The following PIP5K1C variants were observed in gnomAD, a reference collection of about 807,000 sequenced individuals.
The protein encoded by PIP5K1C is phosphatidylinositol-4-phosphate 5-kinase type 1 gamma, also known as phosphatidylinositol 4-phosphate 5-kinase type-1 gamma.
Under a neutral mutation model 80.1 loss-of-function variants are expected in PIP5K1C, and 45 were observed. The ratio of observed to expected loss-of-function variants is 0.56; its 90% CI spans 0.44 to 0.72. The LOEUF (loss-of-function observed/expected upper bound fraction) is 0.72. Among genes scored for constraint, PIP5K1C ranks in the 30% least tolerant of loss-of-function variants. The pLI, the probability that PIP5K1C is intolerant of heterozygous loss-of-function variation, is 0.00. For missense variants in PIP5K1C, 753 were observed against 954.6 expected (o/e 0.79, Z 2.78); for synonymous variants, 498 against 420.1 (o/e 1.19, Z -2.27).
rs2034150815 is a variant in PIP5K1C at position 3,644,988 on chromosome 19, A to T, written c.1346-737T>A. On this transcript the variant is annotated intron_variant, in intron 11 of 17. Transcript: ENST00000335312. ...AATGATCCTGTGGCATCGGTCCCAG[A>T]GAGTGGGGTGTGGGGACAGGCTCAA... Among the ~76,000 whole-genome samples, 2 of 152,244 alleles carry T rather than the reference A, an allele frequency of 1.3e-5. 1 individual carries two copies. Among genetic ancestry groups the T allele is most frequent in the African/African-American group, 4.8e-5 (2 of 41,462 alleles).
intron 1 of PIP5K1C, among the ~76,000 whole-genome samples, chr19:3,683,104 G>C (rs559675569): frequency 6.6e-6 from 1 of 152,148 alleles, no homozygotes; most frequent in Admixed American, 6.5e-5. Flanking sequence ...CACCTCCTCA[G>C]AGAGTCCCCT....
intron 7 of PIP5K1C, among the ~76,000 whole-genome samples, chr19:3,652,820 G>A (rs1013935566): frequency 6.6e-6 from 1 of 152,130 alleles, no homozygotes; most frequent in African/African-American, 2.4e-5. Flanking sequence ...CTGGCTGGGA[G>A]CTCTGGGCTT....
At chr19:3,687,530 CGCACACACAT>C (rs2035797782) in intron 1 of PIP5K1C, among the ~76,000 whole-genome samples, 1 of 129,640 alleles carries the variant, frequency 7.7e-6, no homozygotes, top group Non-Finnish European at 1.7e-5. Context: ...CACATGCACA[CGCACACACAT>C]ACATGCACAC....
chr19:3,690,234 C>T lies in PIP5K1C; in HGVS notation c.94+10063G>A, dbSNP rs188727388. 9.5e-4 allele frequency among the ~76,000 whole-genome samples: 144 copies of T among 152,130 alleles called. 3 individuals carry two copies. The highest frequency in any genetic ancestry group is 3.7e-4 in the Non-Finnish European group (25 of 68,010). On this transcript the variant is annotated intron_variant, in intron 1 of 17. Coordinates refer to ENST00000335312, the MANE Select transcript of PIP5K1C (RefSeq NM_012398.3). ...GAAATAGGCTGGGCGCACTGGCTCA[C>T]ACCTGTAACCCCAGCACATCGAGAA...
chr19:3,653,205 T>C, intron 7 of PIP5K1C, 85 bp downstream of exon 7: 1 of 1,342,336 alleles, frequency 7.4e-7, no homozygotes, highest in Non-Finnish European at 1.0e-6. Context: ...CCTGGCACCC[T>C]CCCTGGCCCT....
Position 3,667,184 on chromosome 19 carries a change from C to G in PIP5K1C, c.126+138G>C, listed in dbSNP as rs144262135. ...AGTTGGTGTAGACCTCACGTTCATC[C>G]TGCTTGTGGACACTGGACGGCATTT... is the stretch of plus-strand genomic sequence containing the variant. On this transcript the variant is annotated intron_variant, in intron 2 of 17. Transcript: ENST00000335312. 6.6e-4 allele frequency: 489 copies of G among 740,202 alleles called. 5 individuals carry two copies. In the African/African-American group the frequency reaches 7.5e-3, roughly 11 times the overall value. 45.9% of individuals were successfully genotyped at this position (740,202 alleles called of 1,614,324 possible).
At chr19:3,663,251 C>T (rs1044554627) in intron 3 of PIP5K1C, among the ~76,000 whole-genome samples, 3 of 152,358 alleles carry the variant, frequency 2.0e-5, no homozygotes, top group African/African-American at 7.2e-5. Context: ...CCTGGGAAGC[C>T]GGCTCATACC....
rs764108844 is a variant in PIP5K1C, at chr19:3,642,938, G to A, written c.1651C>T (p.Arg551Trp). ...SETSEQPRYR[R>W]RTQSSGQDGR... ...TCCTGTCCAGACGACTGTGTGCGCC[G>A]CCTGCAGAGATACAGCAAACACGTG... Residue 551 changes from arginine to tryptophan, a missense_variant and splice_region_variant, in exon 14 of 18, where the codon CGG becomes TGG. Physicochemically the swap from Arg to Trp is moderately radical, Grantham distance 101 (BLOSUM62 -3). Transcript: ENST00000335312. The A allele has an allele frequency of 2.5e-6, 4 of 1,613,342 alleles. No individual in the cohort carries two copies. Among genetic ancestry groups the A allele is most frequent in the East Asian group, 2.2e-5 (1 of 44,882 alleles).
chr19:3,636,767 G>A (rs953714694), intron 16 of PIP5K1C: 33 of 986,402 alleles, frequency 3.3e-5, no homozygotes, highest in Admixed American at 1.2e-4. Flanking sequence ...CGGCGGCCTC[G>A]GCGGAGGCTT....
intron 5 of PIP5K1C, among the ~76,000 whole-genome samples, chr19:3,659,348 C>T (rs1218438634): frequency 6.6e-6 from 1 of 152,252 alleles, no homozygotes; most frequent in Non-Finnish European, 1.5e-5. Flanking sequence ...GTCACCAACA[C>T]CGGGCTGGCT....
intron 1 of PIP5K1C, among the ~76,000 whole-genome samples, chr19:3,695,691 G>C (rs2036080877): frequency 2.0e-5 from 3 of 151,270 alleles, no homozygotes; most frequent in African/African-American, 7.3e-5. Context: ...CCTGGGCCCT[G>C]CTGACTTGCA....
At chr19:3,686,517 G>C (rs2035765075) in intron 1 of PIP5K1C, among the ~76,000 whole-genome samples, 1 of 151,170 alleles carries the variant, frequency 6.6e-6, no homozygotes, top group African/African-American at 2.4e-5. Context: ...TCGGGAGTTT[G>C]AGACCAGTCT....
rs540459328 is a variant in PIP5K1C at position 3,630,240 on chromosome 19, G to C, written c.*2927C>G. The C allele has an allele frequency of 6.6e-6, 1 of 152,298 alleles. No individual in the cohort carries two copies. Among genetic ancestry groups the C allele is most frequent in the African/African-American group, 2.4e-5 (1 of 41,416 alleles). 9.4% of individuals were successfully genotyped at this position (152,298 alleles called of 1,614,324 possible). On this transcript the variant is annotated 3_prime_UTR_variant, in exon 18 of 18. Coordinates refer to ENST00000335312, the MANE Select transcript of PIP5K1C (RefSeq NM_012398.3). Reference sequence around the variant, plus strand: ...AAAAAGACGGGGTGTGGCGGGGGTAGGTGGGCGAGGAACCTGGGATGCAAA... The same window carrying C: ...AAAAAGACGGGGTGTGGCGGGGGTACGTGGGCGAGGAACCTGGGATGCAAA...
In PIP5K1C at chr19:3,632,973, C is replaced by T. The variant is rs28490078; in HGVS notation, c.*194G>A. ...GGTCTCACAGGGGCAGGCTGCCGAC[C>T]GGGGTGCCGGGGCCCTGGGAGGCTT... On this transcript the variant is annotated 3_prime_UTR_variant, in exon 18 of 18. Coordinates refer to ENST00000335312, the MANE Select transcript of PIP5K1C (RefSeq NM_012398.3). 33 of 524,216 alleles carry T rather than the reference C, an allele frequency of 6.3e-5. No homozygotes were observed. The highest frequency in any genetic ancestry group is 5.1e-4 in the Middle Eastern group (1 of 1,960). The allele number at this position is 524,216 out of a possible 1,614,324, so 32.5% of individuals were successfully genotyped here. A position where few individuals can be genotyped will look rare whatever the true frequency, so the allele number is the denominator to read the frequency against.
intron 16 of PIP5K1C, chr19:3,636,466 A>AAAGTCCAAGCCAAGC: frequency 1.0e-6 from 1 of 985,570 alleles, no homozygotes. Flanking sequence ...GGTGTTTTTC[A>AAAGTCCAAGCCAAGC]AAGTCCAAGC....
chr19:3,669,017 C>T (rs556783911), intron 1 of PIP5K1C, among the ~76,000 whole-genome samples: 5 of 152,294 alleles, frequency 3.3e-5, no homozygotes, highest in Admixed American at 6.5e-5. Context: ...GGCATGGAGA[C>T]AAATGCTTCT....
chr19:3,681,211 G>A (rs566391686), intron 1 of PIP5K1C, among the ~76,000 whole-genome samples: 13 of 151,516 alleles, frequency 8.6e-5, no homozygotes, highest in East Asian at 5.8e-4. Context: ...AAGAACACCC[G>A]TACCTGTACC....
chr19:3,689,594 A>T (rs903578565), intron 1 of PIP5K1C, among the ~76,000 whole-genome samples: 1 of 152,198 alleles, frequency 6.6e-6, no homozygotes, highest in Non-Finnish European at 1.5e-5. Flanking sequence ...GGTTTCGGTG[A>T]GCTGAGATCG....
At chr19:3,699,315 G>C (rs1001718365) in intron 1 of PIP5K1C, among the ~76,000 whole-genome samples, 12 of 148,294 alleles carry the variant, frequency 8.1e-5, no homozygotes, top group Non-Finnish European at 1.3e-4. Context: ...GGGAAGCCAC[G>C]AGTGTCTTTC....
Sources: gnomAD v4.1 joint callset for allele counts (sites outside exome capture counted in the v4.1 genomes callset) on GRCh38, gnomAD v4.1.1 for gene constraint, MANE v1.5 for transcripts, NCBI Gene and HGNC (gene_info 2026-07-23, HGNC 2026-07-21) for gene names.